Variants in RALYL observed in about 807,000 individuals in gnomAD.
The protein encoded by RALYL is RNA-binding Raly-like protein.
RALYL carries 29 observed loss-of-function variants against 35.1 expected under a neutral mutation model. That is an observed-to-expected ratio of 0.83 (90% confidence interval 0.61 to 1.13). The LOEUF (loss-of-function observed/expected upper bound fraction) is 1.13. Among genes scored for constraint, RALYL ranks in the 50% most tolerant of loss-of-function variants. The pLI is 0.00. For synonymous variants in RALYL, 120 were observed against 127.6 expected, an observed-to-expected ratio of 0.94 and a Z score of 0.40; for missense variants, 359 against 360.4, an observed-to-expected ratio of 1.00 and a Z score of 0.03.
rs370243292 is a variant in RALYL, at chr8:84,389,736, A to C, written c.-23-139563A>C. Among the ~76,000 whole-genome samples, 22 of 149,458 alleles carry C rather than the reference A, an allele frequency of 1.5e-4. No homozygotes were observed. The East Asian group carries it at 3.1e-3, about 21-fold the overall frequency. ...TGAAGTTGCTTATCAGCTTAAGGAGATTTTGGGCTGAGACAATGGGGTTTT... is the reference window on the plus strand; with the variant it reads ...TGAAGTTGCTTATCAGCTTAAGGAGCTTTTGGGCTGAGACAATGGGGTTTT... On this transcript the variant is annotated intron_variant, in intron 1 of 8. Coordinates refer to ENST00000521268, the MANE Select transcript of RALYL (RefSeq NM_173848.7).
At chr8:84,718,068 C>T (rs1843230413) in intron 2 of RALYL, among the ~76,000 whole-genome samples, 1 of 152,038 alleles carries the variant, frequency 6.6e-6, no homozygotes, top group South Asian at 2.1e-4. Flanking sequence ...GGGTATTTGT[C>T]ATGATTGAAA....
rs541130420 is a variant in RALYL at position 84,707,784 on chromosome 8, A to G, written c.257-66795A>G. On this transcript the variant is annotated intron_variant, in intron 2 of 8. Coordinates refer to ENST00000521268, the MANE Select transcript of RALYL (RefSeq NM_173848.7). ...AAGCTTAGCAATAAAAGCAAATAGA[A>G]TCCTTAAATGAATTTCTTAAACTAA... Among the ~76,000 whole-genome samples, 5 of 152,310 alleles carry G rather than the reference A, an allele frequency of 3.3e-5. No individual in the cohort carries two copies. The South Asian group carries it at 1.0e-3, about 32-fold the overall frequency.
chr8:84,861,967 G>A (rs866888516), intron 5 of RALYL, among the ~76,000 whole-genome samples: 6 of 152,152 alleles, frequency 3.9e-5, no homozygotes, highest in Admixed American at 3.9e-4. Flanking sequence ...ACCAAGCAAA[G>A]AAATATATTT....
chr8:84,668,046 C>T (rs1281357267), intron 2 of RALYL, among the ~76,000 whole-genome samples: 1 of 152,080 alleles, frequency 6.6e-6, no homozygotes, highest in East Asian at 1.9e-4. Context: ...CATATGTTTG[C>T]AGGCTCTTTC....
At chr8:84,573,268 C>A (rs1362016983) in intron 2 of RALYL, among the ~76,000 whole-genome samples, 1 of 151,572 alleles carries the variant, frequency 6.6e-6, no homozygotes, top group African/African-American at 2.4e-5. Flanking sequence ...AAACACCTTG[C>A]AGATCTAGCA....
At chr8:84,670,219 A>AT (rs1318368091) in intron 2 of RALYL, among the ~76,000 whole-genome samples, 2 of 151,778 alleles carry the variant, frequency 1.3e-5, no homozygotes, top group Admixed American at 6.6e-5. Context: ...CACTTTTAAT[A>AT]TTTTTTCCCT....
intron 1 of RALYL, among the ~76,000 whole-genome samples, chr8:84,462,826 G>C (rs183990743): frequency 1.7e-4 from 26 of 151,462 alleles, no homozygotes; most frequent in Admixed American, 1.3e-3. Flanking sequence ...TTTTATAATG[G>C]GGAATGTCTT....
At chr8:84,611,996 G>T (rs1345498132) in intron 2 of RALYL, among the ~76,000 whole-genome samples, 3 of 151,612 alleles carry the variant, frequency 2.0e-5, no homozygotes, top group Admixed American at 6.6e-5. Flanking sequence ...TACTGTTCCG[G>T]TTTTTTTGTT....
At chr8:84,444,631 GA>G (rs2048677619) in intron 1 of RALYL, among the ~76,000 whole-genome samples, 1 of 152,046 alleles carries the variant, frequency 6.6e-6, no homozygotes, top group African/African-American at 2.4e-5. Flanking sequence ...GATATTTCTA[GA>G]AACCACAGAT....
At chr8:84,510,928 T>C (rs1419946108) in intron 1 of RALYL, among the ~76,000 whole-genome samples, 1 of 152,204 alleles carries the variant, frequency 6.6e-6, no homozygotes, top group Non-Finnish European at 1.5e-5. Flanking sequence ...CACTCACCTA[T>C]CATTTTTATG....
chr8:84,449,845 G>T (rs548613680), intron 1 of RALYL, among the ~76,000 whole-genome samples: 3 of 151,950 alleles, frequency 2.0e-5, no homozygotes, highest in African/African-American at 4.8e-5. Context: ...GTAGTATGTT[G>T]TATACATAGA....
At chr8:84,372,700 A>T (rs1430201488) in intron 1 of RALYL, among the ~76,000 whole-genome samples, 1 of 151,852 alleles carries the variant, frequency 6.6e-6, no homozygotes, top group Non-Finnish European at 1.5e-5. Context: ...TCTCTAAAAA[A>T]TAAATAAATA....
chr8:84,491,418 G>T (rs943871503), intron 1 of RALYL, among the ~76,000 whole-genome samples: 1 of 152,080 alleles, frequency 6.6e-6, no homozygotes, highest in Non-Finnish European at 1.5e-5. Context: ...AATGCCTGAG[G>T]TGGGGTATAT....
intron 1 of RALYL, among the ~76,000 whole-genome samples, chr8:84,499,135 G>T (rs965038701): frequency 8.0e-5 from 12 of 150,664 alleles, no homozygotes; most frequent in African/African-American, 2.7e-4. Context: ...AAATGCGCAG[G>T]TTTGTTACAT....
rs1364681176 is a variant in RALYL, at chr8:84,428,102, T to TCA, written c.-23-101196_-23-101195insAC. Among the ~76,000 whole-genome samples the TCA allele has an allele frequency of 5.9e-3, 774 of 131,130 alleles. 6 individuals carry two copies. Among genetic ancestry groups the TCA allele is most frequent in the African/African-American group, 0.016 (512 of 31,302 alleles). The allele number at this position is 131,130 out of a possible 152,430, so 86.0% of individuals were successfully genotyped here. A position where few individuals can be genotyped will look rare whatever the true frequency, so the allele number is the denominator to read the frequency against. On this transcript the variant is annotated intron_variant, in intron 1 of 8. Coordinates refer to ENST00000521268, the MANE Select transcript of RALYL (RefSeq NM_173848.7). Reference sequence around the variant, plus strand: ...GTCTCTCTCTCTCTCTCTCTCTCTCTCTCTCACACACACACACACACACAC... The same window carrying TCA: ...GTCTCTCTCTCTCTCTCTCTCTCTCTCACTCTCACACACACACACACACACAC...
chr8:84,832,442 G>C (rs957639325), intron 4 of RALYL, among the ~76,000 whole-genome samples: 3 of 152,068 alleles, frequency 2.0e-5, no homozygotes, highest in Admixed American at 1.3e-4. Flanking sequence ...ATCTAAAGCT[G>C]TAGATTTTTC....
chr8:84,631,801 C>T (rs778826471), intron 2 of RALYL, among the ~76,000 whole-genome samples: 6 of 151,642 alleles, frequency 4.0e-5, no homozygotes, highest in South Asian at 4.2e-4. Flanking sequence ...TTACATTCTG[C>T]GGATTCATAT....
At chr8:84,747,466 T>A (rs1808885846) in intron 2 of RALYL, among the ~76,000 whole-genome samples, 1 of 151,936 alleles carries the variant, frequency 6.6e-6, no homozygotes, top group Non-Finnish European at 1.5e-5. Flanking sequence ...ATAGTTAATC[T>A]CATTTACAGA....
intron 1 of RALYL, among the ~76,000 whole-genome samples, chr8:84,497,654 T>G (rs2056201068): frequency 1.3e-5 from 2 of 149,066 alleles, no homozygotes; most frequent in East Asian, 3.9e-4. Context: ...TTTTTTTTTT[T>G]TTTTTGAGAG....
Sources: gnomAD v4.1 joint callset for allele counts (sites outside exome capture counted in the v4.1 genomes callset) on GRCh38, gnomAD v4.1.1 for gene constraint, MANE v1.5 for transcripts, NCBI Gene and HGNC (gene_info 2026-07-23, HGNC 2026-07-21) for gene names.